The following COG2 variants were observed in gnomAD, a reference collection of about 807,000 sequenced individuals.
COG2 encodes the protein conserved oligomeric Golgi complex subunit 2.
In COG2, 52 loss-of-function variants were observed where a neutral mutation model predicts 90.6. The ratio of observed to expected loss-of-function variants is 0.57; its 90% CI spans 0.46 to 0.72. The LOEUF (loss-of-function observed/expected upper bound fraction) is 0.72, where lower values mean the gene tolerates loss of function less well. Among genes scored for constraint, COG2 ranks in the 30% least tolerant of loss-of-function variants. The probability of loss-of-function intolerance (pLI) is 0.00; values close to 1 mark genes in which losing one functional copy is unlikely to be tolerated. For synonymous variants in COG2, 337 were observed against 320.4 expected (o/e 1.05, Z -0.55); for missense variants, 829 against 891.2 (o/e 0.93, Z 0.89).
In COG2 at chr1:230,664,544, A is replaced by C. The variant is rs1253349314; in HGVS notation, c.442A>C (p.Asn148His). The change falls in exon 5 of 18, where the codon AAC becomes CAC. Residue 148 changes from asparagine (N) to histidine (H), a missense_variant. Transcript: ENST00000366669. ...AGTTGAGAAAATTGAAAAAATCTTA[A>C]ACTCTCAAAGTTCTAAAGAAACCTC... The part of the protein sequence containing the change: ...RSVEKIEKIL[N>H]SQSSKETSAL... 3 of 1,585,132 alleles carry C rather than the reference A, an allele frequency of 1.9e-6. No individual in the cohort carries two copies. In the South Asian group the frequency reaches 3.4e-5, roughly 18 times the overall value.
chr1:230,675,791 G>A (rs1042250566), intron 9 of COG2, among the ~76,000 whole-genome samples: 3 of 151,918 alleles, frequency 2.0e-5, no homozygotes, highest in African/African-American at 7.3e-5. Context: ...GATTTCAGGC[G>A]CACACCACCA....
At chr1:230,665,204 G>A (rs1662291673) in intron 5 of COG2, among the ~76,000 whole-genome samples, 1 of 152,152 alleles carries the variant, frequency 6.6e-6, no homozygotes, top group South Asian at 2.1e-4. Context: ...AGTGGAAAGA[G>A]CATGGGCTTA....
chr1:230,667,342 G>A (rs566939239), intron 5 of COG2, among the ~76,000 whole-genome samples: 21 of 151,926 alleles, frequency 1.4e-4, no homozygotes, highest in East Asian at 7.7e-4. Flanking sequence ...TCCTTGCTCC[G>A]AATCATCTTT....
chr1:230,658,066 T>C (rs974584588), intron 1 of COG2, among the ~76,000 whole-genome samples: 1 of 151,950 alleles, frequency 6.6e-6, no homozygotes, highest in Non-Finnish European at 1.5e-5. Flanking sequence ...AGCCTGCTTC[T>C]GTCAATTTGT....
Position 230,642,522 on chromosome 1 carries a change from G to A in COG2, c.-85G>A, listed in dbSNP as rs932443331. 1.4e-6 allele frequency: 2 copies of A among 1,383,280 alleles called. No individual in the cohort carries two copies. The highest frequency in any genetic ancestry group is 2.5e-5 in the East Asian group (1 of 39,900). The allele number at this position is 1,383,280 out of a possible 1,614,324, so 85.7% of individuals were successfully genotyped here. A position where few individuals can be genotyped will look rare whatever the true frequency, so the allele number is the denominator to read the frequency against. ...ACCCCCCTGTGCCGTGGAAACTGGC[G>A]GTGGCCGCGGCCGCCGAGTCGGTCT... On this transcript the variant is annotated 5_prime_UTR_variant, in exon 1 of 18. Coordinates refer to ENST00000366669, the MANE Select transcript of COG2 (RefSeq NM_007357.3).
chr1:230,652,125 C>T (rs559989391), intron 1 of COG2, among the ~76,000 whole-genome samples: 1 of 152,340 alleles, frequency 6.6e-6, no homozygotes, highest in African/African-American at 2.4e-5. Context: ...CAGTATCATA[C>T]AGAACAGTTT....
At chr1:230,679,499 A>C (rs1343345578) in intron 10 of COG2, 1 of 153,088 alleles carries the variant, frequency 6.5e-6, no homozygotes, top group African/African-American at 2.4e-5. Context: ...CAGAGCTTTA[A>C]GTGTTCTTTG....
chr1:230,689,967 T>C lies in COG2; in HGVS notation c.1795-47T>C, dbSNP rs763950557. 2.0e-6 allele frequency: 3 copies of C among 1,510,234 alleles called. No homozygotes were observed. The South Asian group carries it at 4.0e-5, about 20-fold the overall frequency. 93.6% of individuals were successfully genotyped at this position (1,510,234 alleles called of 1,614,324 possible). A position where few individuals can be genotyped will look rare whatever the true frequency, so the allele number is the denominator to read the frequency against. ...GTTCTGGGTAACTTACTGTTTCTTT[T>C]CTGTTTTTTTCCTGTGCATCTTTAT... On this transcript the variant is annotated intron_variant, in intron 15 of 17. Coordinates refer to ENST00000366669, the MANE Select transcript of COG2 (RefSeq NM_007357.3).
chr1:230,646,593 C>T (rs1307411713), intron 1 of COG2, among the ~76,000 whole-genome samples: 1 of 152,156 alleles, frequency 6.6e-6, no homozygotes, highest in Non-Finnish European at 1.5e-5. Flanking sequence ...GGCCCAAATA[C>T]CTTCTTATCT....
chr1:230,644,522 GGAGATTT>G (rs1661713326), intron 1 of COG2, among the ~76,000 whole-genome samples: 1 of 152,164 alleles, frequency 6.6e-6, no homozygotes, highest in Non-Finnish European at 1.5e-5. Flanking sequence ...ATTTGCATTG[GGAGATTT>G]GAGATTGCTT....
At chr1:230,681,621 A>T (rs1662750563) in intron 10 of COG2, 1 of 152,246 alleles carries the variant, frequency 6.6e-6, no homozygotes, top group African/African-American at 2.4e-5. Flanking sequence ...AAGAATTTAG[A>T]AATGTTTGTA....
At chr1:230,650,090 A>C (rs1471590252) in intron 1 of COG2, among the ~76,000 whole-genome samples, 1 of 152,210 alleles carries the variant, frequency 6.6e-6, no homozygotes, top group Non-Finnish European at 1.5e-5. Flanking sequence ...TGTGGTATAA[A>C]TGCACCACAT....
chr1:230,660,758 G>A lies in COG2; in HGVS notation c.235G>A (p.Val79Ile). The A allele has an allele frequency of 6.3e-7, 1 of 1,578,110 alleles. No individual in the cohort carries two copies. Among genetic ancestry groups the A allele is most frequent in the African/African-American group, 1.4e-5 (1 of 72,706 alleles). ...ADFVNLSTNLVGMDKALNQLS... is the reference protein window; with the variant it reads ...ADFVNLSTNLIGMDKALNQLS... Reference sequence around the variant, plus strand: ...GTGCCAACATGATTTCTGCCTTTAGGTTGGCATGGACAAAGCCCTCAACCA... The same window carrying A: ...GTGCCAACATGATTTCTGCCTTTAGATTGGCATGGACAAAGCCCTCAACCA... The change falls in exon 3 of 18, where the codon GTT becomes ATT. Residue 79 changes from valine (V) to isoleucine (I), a missense_variant and splice_region_variant. Physicochemically the swap from Val to Ile is conservative, Grantham distance 29. Coordinates refer to ENST00000366669, the MANE Select transcript of COG2 (RefSeq NM_007357.3).
chr1:230,669,623 C>T, intron 7 of COG2, 88 bp downstream of exon 7: 5 of 1,196,034 alleles, frequency 4.2e-6, no homozygotes, highest in Non-Finnish European at 5.8e-6. Flanking sequence ...GAAGAGAGAA[C>T]AGAGATCTTT....
At chr1:230,655,536 C>G (rs920034164) in intron 1 of COG2, among the ~76,000 whole-genome samples, 4 of 152,178 alleles carry the variant, frequency 2.6e-5, no homozygotes, top group Non-Finnish European at 4.4e-5. Flanking sequence ...TGATGTTCAT[C>G]AGAAATATTG....
At chr1:230,665,403 T>C (rs1662296298) in intron 5 of COG2, among the ~76,000 whole-genome samples, 1 of 152,176 alleles carries the variant, frequency 6.6e-6, no homozygotes, top group Non-Finnish European at 1.5e-5. Flanking sequence ...CCATCATACT[T>C]TTCCTTGACT....
chr1:230,690,855 A>G (rs920774436), intron 16 of COG2, among the ~76,000 whole-genome samples: 5 of 152,248 alleles, frequency 3.3e-5, no homozygotes, highest in Non-Finnish European at 7.3e-5. Flanking sequence ...CAGCTTGTAG[A>G]CAAAGCTTTG....
intron 7 of COG2, chr1:230,670,147 T>C (rs1662414257): frequency 6.6e-6 from 1 of 152,270 alleles, no homozygotes; most frequent in South Asian, 2.1e-4. Context: ...TGCAGTATCC[T>C]TCACCTAGTA....
chr1:230,671,702 C>A, intron 8 of COG2, 62 bp downstream of exon 8: 2 of 1,509,058 alleles, frequency 1.3e-6, no homozygotes, highest in Non-Finnish European at 1.8e-6. Context: ...CTGCTAATTG[C>A]AGGTGCACGA....
Sources: allele counts gnomAD v4.1 joint callset (sites outside exome capture counted in the v4.1 genomes callset), GRCh38; gene constraint gnomAD v4.1.1; transcripts MANE v1.5; gene names NCBI Gene and HGNC (gene_info 2026-07-23, HGNC 2026-07-21).